NFXL1: variants seen among roughly 807,000 people sequenced by gnomAD.
NFXL1 encodes nuclear transcription factor, X-box binding like 1.
NFXL1 carries 66 observed loss-of-function variants against 123.3 expected under a neutral mutation model. The ratio of observed to expected loss-of-function variants is 0.54; its 90% CI spans 0.44 to 0.66. NFXL1 has a LOEUF of 0.66. NFXL1 is among the 30% of genes least tolerant of loss of function. The pLI is 0.00. For synonymous variants in NFXL1, 346 were observed against 360.8 expected, an observed-to-expected ratio of 0.96 and a Z score of 0.46; for missense variants, 944 against 1,125.6, an observed-to-expected ratio of 0.84 and a Z score of 2.31.
intron 19 of NFXL1, among the ~76,000 whole-genome samples, chr4:47,855,900 T>C (rs1213013309): frequency 6.6e-6 from 1 of 152,162 alleles, no homozygotes; most frequent in African/African-American, 2.4e-5. Context: ...TCTCTGTCTA[T>C]TCAAATCTTA....
chr4:47,851,986 A>G, intron 20 of NFXL1, 44 bp from the exon 21 acceptor site: 2 of 1,372,942 alleles, frequency 1.5e-6, no homozygotes, highest in Non-Finnish European at 2.1e-6. Context: ...TTTTTCCCTC[A>G]AAGACCTGTC....
At chr4:47,872,488 A>T (rs1735508587) in intron 18 of NFXL1, among the ~76,000 whole-genome samples, 1 of 151,372 alleles carries the variant, frequency 6.6e-6, no homozygotes, top group Non-Finnish European at 1.5e-5. Context: ...GAAAAAAAAA[A>T]TTATGCCTAA....
At chr4:47,888,662 AAAT>A (rs1411066451) in intron 12 of NFXL1, among the ~76,000 whole-genome samples, 2 of 152,216 alleles carry the variant, frequency 1.3e-5, no homozygotes, top group African/African-American at 4.8e-5. Context: ...GGAACATGTT[AAAT>A]AATACCACAG....
At chr4:47,908,759 T>A (rs6816253) in intron 3 of NFXL1, among the ~76,000 whole-genome samples, 95 of 151,616 alleles carry the variant, frequency 6.3e-4, no homozygotes, top group African/African-American at 2.2e-3. Context: ...ATCAAGACCA[T>A]CCTGGCTAAC....
At chr4:47,877,606 G>C (rs564665996) in intron 17 of NFXL1, among the ~76,000 whole-genome samples, 1 of 151,820 alleles carries the variant, frequency 6.6e-6, no homozygotes, top group East Asian at 1.9e-4. Flanking sequence ...CATCTTTTTT[G>C]TTTTATCATG....
intron 5 of NFXL1, among the ~76,000 whole-genome samples, chr4:47,902,258 A>G (rs1430136860): frequency 1.3e-5 from 2 of 152,244 alleles, no homozygotes; most frequent in African/African-American, 4.8e-5. Context: ...GTGACCACAC[A>G]GAGCCCATGA....
chr4:47,893,564 G>C (rs76205604), intron 11 of NFXL1, among the ~76,000 whole-genome samples: 1 of 151,984 alleles, frequency 6.6e-6, no homozygotes, highest in African/African-American at 2.4e-5. Context: ...TAAGTATGGG[G>C]GTTAAAAACT....
chr4:47,866,856 A>C (rs1042300456), intron 18 of NFXL1, among the ~76,000 whole-genome samples: 4 of 152,204 alleles, frequency 2.6e-5, no homozygotes, highest in African/African-American at 9.7e-5. Context: ...GAGGCTGCCT[A>C]TGTAGCCTTC....
Position 47,914,091 on chromosome 4 carries a change from T to A in NFXL1, c.113A>T (p.Glu38Val). The change falls in exon 2 of 23, where the codon GAG becomes GTG. Residue 38 changes from glutamate (E) to valine (V), a missense_variant. Physicochemically the swap from Glu to Val is moderately radical, Grantham distance 121. Coordinates refer to ENST00000507489, the MANE Select transcript of NFXL1 (RefSeq NM_001278624.2). The stretch of plus-strand genomic sequence containing the variant: ...AGGAACTGCGCCCACCGACCCCTTC[T>A]CTCGCCCTCCTCCGGCGCCGCGGAG... The part of the protein sequence containing the change: ...VHLRGAGGGR[E>V]KGSVGAVPSG... 1 of 1,551,180 alleles carries A rather than the reference T, an allele frequency of 6.4e-7. No individual in the cohort carries two copies. The highest frequency in any genetic ancestry group is 1.2e-5 in the South Asian group (1 of 84,144).
chr4:47,866,350 A>T (rs560879455), intron 18 of NFXL1, among the ~76,000 whole-genome samples: 1 of 152,336 alleles, frequency 6.6e-6, no homozygotes, highest in Non-Finnish European at 1.5e-5. Context: ...TACCACCCTC[A>T]AACGCCAACC....
intron 19 of NFXL1, 39 bp from the exon 20 acceptor site, chr4:47,855,202 T>A (rs1277805437): frequency 1.7e-6 from 2 of 1,188,242 alleles, no homozygotes; most frequent in East Asian, 2.5e-5. Flanking sequence ...CATACTTACA[T>A]CTTGATCATA....
intron 2 of NFXL1, among the ~76,000 whole-genome samples, chr4:47,913,011 C>CAAA (rs574444228): frequency 5.4e-5 from 4 of 74,518 alleles, no homozygotes; most frequent in Non-Finnish European, 8.0e-5. Flanking sequence ...GACTCTGTCT[C>CAAA]AAAAAAAAAA....
Position 47,906,359 on chromosome 4 carries a change from A to G in NFXL1, c.407-1013T>C, listed in dbSNP as rs527421633. ...CATGGCAATAACGTGGTTCAAGCCA[A>G]AATTTAAGTTGCCAAAAAGAAAAAT... On this transcript the variant is annotated intron_variant, in intron 3 of 22. Transcript: ENST00000507489. 3.2e-4 allele frequency among the ~76,000 whole-genome samples: 49 copies of G among 152,354 alleles called. No homozygotes were observed. The South Asian group carries it at 0.01, about 32-fold the overall frequency.
At chr4:47,864,050 C>CT (rs1442767221) in intron 18 of NFXL1, among the ~76,000 whole-genome samples, 1 of 152,150 alleles carries the variant, frequency 6.6e-6, no homozygotes, top group Admixed American at 6.5e-5. Flanking sequence ...TAAATATACT[C>CT]TAAGATATTT....
In NFXL1 at chr4:47,851,946, C is replaced by G. The variant is rs537734390; in HGVS notation, c.2422-4G>C. On this transcript the variant is annotated splice_region_variant and splice_polypyrimidine_tract_variant and intron_variant, in intron 20 of 22. Transcript: ENST00000507489. ...GTACTTTGTTGCACTGCAATTCCTA[C>G]AAACAACCCGATTTTCAAATTTTAA... is the stretch of plus-strand genomic sequence containing the variant. 2 of 1,598,040 alleles carry G rather than the reference C, an allele frequency of 1.3e-6. No individual in the cohort carries two copies. The highest frequency in any genetic ancestry group is 3.4e-5 in the Admixed American group (2 of 59,286).
intron 21 of NFXL1, 78 bp from the exon 22 acceptor site, chr4:47,851,226 G>T: frequency 1.0e-6 from 1 of 1,002,526 alleles, no homozygotes; most frequent in Non-Finnish European, 1.6e-6. Context: ...TACCCATCCA[G>T]GTTCTATTAA....
chr4:47,908,734 T>C (rs1027308712), intron 3 of NFXL1, among the ~76,000 whole-genome samples: 5 of 151,926 alleles, frequency 3.3e-5, no homozygotes, highest in Admixed American at 2.6e-4. Context: ...GGCGGGCGGA[T>C]CACGAGGTCA....
intron 22 of NFXL1, among the ~76,000 whole-genome samples, chr4:47,848,757 C>T (rs1410679908): frequency 5.9e-5 from 9 of 151,902 alleles, no homozygotes; most frequent in African/African-American, 1.9e-4. Context: ...GGCATGGTGG[C>T]GGGTGCCTGT....
chr4:47,866,087 C>T (rs114645141), intron 18 of NFXL1, among the ~76,000 whole-genome samples: 2,564 of 150,466 alleles, frequency 0.017, 74 homozygotes, highest in African/African-American at 0.059. Flanking sequence ...GGCAACACTC[C>T]GGGAAGAAGG....
Sources: gnomAD v4.1 joint callset for allele counts (sites outside exome capture counted in the v4.1 genomes callset) on GRCh38, gnomAD v4.1.1 for gene constraint, MANE v1.5 for transcripts, NCBI Gene and HGNC (gene_info 2026-07-23, HGNC 2026-07-21) for gene names.